The following RTTN variants were observed in gnomAD, a reference collection of about 807,000 sequenced individuals.
RTTN encodes the protein rotatin.
Under a neutral mutation model 269.2 loss-of-function variants are expected in RTTN, and 182 were observed. The ratio of observed to expected loss-of-function variants is 0.68; its 90% CI spans 0.60 to 0.76. The LOEUF is 0.76. RTTN is among the 30% of genes least tolerant of loss of function. The pLI is 0.00. For synonymous variants in RTTN, 1,006 were observed against 963.5 expected, an observed-to-expected ratio of 1.04 and a Z score of -0.82; for missense variants, 2,545 against 2,608.6, an observed-to-expected ratio of 0.98 and a Z score of 0.53.
At chr18:70,058,592 AG>A (rs2057886653) in intron 36 of RTTN, among the ~76,000 whole-genome samples, 1 of 152,228 alleles carries the variant, frequency 6.6e-6, no homozygotes, top group Admixed American at 6.5e-5. Flanking sequence ...AATGAAAAAC[AG>A]GTACGGAAAT....
chr18:70,143,945 G>C (rs1003480227), intron 18 of RTTN, among the ~76,000 whole-genome samples: 1 of 151,358 alleles, frequency 6.6e-6, no homozygotes, highest in South Asian at 2.1e-4. Flanking sequence ...CTGCAGACTC[G>C]ACTTCCTGGG....
At chr18:70,180,640 T>C (rs531127073) in intron 10 of RTTN, among the ~76,000 whole-genome samples, 4 of 147,566 alleles carry the variant, frequency 2.7e-5, no homozygotes, top group Admixed American at 6.7e-5. Context: ...TCATAGTTCA[T>C]AGTGTTTTCA....
chr18:70,084,782 CAACTTAGCAAGGCCA>C (rs1382319948), intron 32 of RTTN, among the ~76,000 whole-genome samples: 1 of 151,980 alleles, frequency 6.6e-6, no homozygotes, highest in African/African-American at 2.4e-5. Context: ...TTATTTTGGC[CAACTTAGCAAGGCCA>C]AAACTCCAAA....
At chr18:70,027,801 A>T (rs1308219638) in intron 43 of RTTN, among the ~76,000 whole-genome samples, 3 of 152,216 alleles carry the variant, frequency 2.0e-5, no homozygotes, top group Non-Finnish European at 2.9e-5. Flanking sequence ...CTTAATTTCC[A>T]TCAAACTACT....
chr18:70,125,307 C>T (rs1036900631), intron 25 of RTTN, among the ~76,000 whole-genome samples: 1 of 151,898 alleles, frequency 6.6e-6, no homozygotes, highest in East Asian at 1.9e-4. Context: ...TTGCTAATAT[C>T]ATTTTTTAGT....
At chr18:70,201,464 T>C (rs368255094) in intron 4 of RTTN, among the ~76,000 whole-genome samples, 2,958 of 150,974 alleles carry the variant, frequency 0.02, 90 homozygotes, top group African/African-American at 0.064. Flanking sequence ...AAAAATTAGC[T>C]GGGCGTAGTG....
intron 44 of RTTN, 29 bp from the exon 45 acceptor site, chr18:70,020,846 C>G (rs1444199133): frequency 1.1e-5 from 17 of 1,572,980 alleles, no homozygotes; most frequent in Non-Finnish European, 1.5e-5. Context: ...ATCACAATGT[C>G]TTCTCAGTTT....
rs2060208470 is a variant in RTTN, at chr18:70,139,664, C to T, written c.2723G>A (p.Cys908Tyr). The T allele has an allele frequency of 1.9e-6, 3 of 1,613,418 alleles. No individual in the cohort carries two copies. The highest frequency in any genetic ancestry group is 2.5e-6 in the Non-Finnish European group (3 of 1,179,628). ...PCLTLLRKVLCGDPVMRVSLS... is the reference protein window; with the variant it reads ...PCLTLLRKVLYGDPVMRVSLS... ...CGAAACACGCATGACTGGATCACCA[C>T]ATAAAACCTTCCTCAAGAGTGTGAG... Residue 908 changes from cysteine (C) to tyrosine (Y), a missense_variant, in exon 21 of 49, where the codon TGT becomes TAT. Physicochemically the swap from Cys to Tyr is radical, Grantham distance 194 (BLOSUM62 -2). Coordinates refer to ENST00000640769, the MANE Select transcript of RTTN (RefSeq NM_173630.4).
At chr18:70,189,109 A>C (rs570829191) in intron 9 of RTTN, among the ~76,000 whole-genome samples, 1 of 152,374 alleles carries the variant, frequency 6.6e-6, no homozygotes, top group African/African-American at 2.4e-5. Context: ...AATTAAGGAA[A>C]GGTTAAATGC....
intron 32 of RTTN, among the ~76,000 whole-genome samples, chr18:70,084,473 C>T (rs911833555): frequency 2.0e-5 from 3 of 152,020 alleles, no homozygotes; most frequent in African/African-American, 7.2e-5. Context: ...CTAGCTGCAC[C>T]CAGAGACAAC....
rs2059411057 is a variant in RTTN, at chr18:70,109,657, A to T, written c.3744T>A (p.Cys1248Ter). Reference protein sequence around the residue: ...QTQLALKLLQCLKVTDAPHFY... With the variant: ...QTQLALKLLQ ...AATGAGGCGCATCCGTCACTTTCAGACACTGGAGCAGTTTCAGAGCCAGCT... is the reference window on the plus strand; with the variant it reads ...AATGAGGCGCATCCGTCACTTTCAGTCACTGGAGCAGTTTCAGAGCCAGCT... The change falls in exon 28 of 49, where the codon TGT becomes TGA. Residue 1248 changes from cysteine to a stop codon, truncating the protein, a stop_gained. Coordinates refer to ENST00000640769, the MANE Select transcript of RTTN (RefSeq NM_173630.4). LOFTEE classifies it high-confidence loss of function. 1 of 1,614,228 alleles carries T rather than the reference A, an allele frequency of 6.2e-7. No homozygotes were observed. The highest frequency in any genetic ancestry group is 8.5e-7 in the Non-Finnish European group (1 of 1,180,040).
At chr18:70,085,595 T>C (rs1706570574) in intron 32 of RTTN, among the ~76,000 whole-genome samples, 2 of 152,324 alleles carry the variant, frequency 1.3e-5, no homozygotes, top group South Asian at 4.1e-4. Context: ...AATATATGGA[T>C]AGGTAAAAGG....
At chr18:70,195,787 G>A (rs562687312) in intron 7 of RTTN, among the ~76,000 whole-genome samples, 24 of 152,294 alleles carry the variant, frequency 1.6e-4, no homozygotes, top group Non-Finnish European at 3.1e-4. Flanking sequence ...GTACCCAGAC[G>A]TTCTCTATTA....
intron 14 of RTTN, among the ~76,000 whole-genome samples, chr18:70,151,774 T>C (rs554296050): frequency 6.6e-6 from 1 of 152,292 alleles, no homozygotes; most frequent in East Asian, 1.9e-4. Context: ...AATTGTCTTA[T>C]TTTTCTCCAG....
intron 30 of RTTN, among the ~76,000 whole-genome samples, chr18:70,088,497 TCTAC>T (rs2058759472): frequency 6.6e-6 from 1 of 152,236 alleles, no homozygotes; most frequent in African/African-American, 2.4e-5. Context: ...TATTCTTTGT[TCTAC>T]CTTTCTTAAT....
At position 70,126,997 on chromosome 18, in the gene RTTN, G is replaced by A. The variant is rs115443949; in HGVS notation, c.3383+505C>T. Among the ~76,000 whole-genome samples the A allele has an allele frequency of 5.0e-3, 763 of 152,314 alleles. 5 individuals carry two copies. Among genetic ancestry groups the A allele is most frequent in the African/African-American group, 0.017 (723 of 41,576 alleles). ...TTGCAAATGCAACCATCTGCTACAA[G>A]TTAAGCATGTTAAATTGACAAGCTA... is the stretch of plus-strand genomic sequence containing the variant. On this transcript the variant is annotated intron_variant, in intron 25 of 48. Transcript: ENST00000640769.
chr18:70,177,934 T>C (rs2061340668), intron 10 of RTTN, among the ~76,000 whole-genome samples: 1 of 152,110 alleles, frequency 6.6e-6, no homozygotes, highest in African/African-American at 2.4e-5. Context: ...CTTCTGGGAA[T>C]ATACCCAAAA....
At position 70,127,647 on chromosome 18, in the gene RTTN, C is replaced by T. The variant is rs201548591; in HGVS notation, c.3238G>A (p.Val1080Ile). Reference sequence around the variant, plus strand: ...ACTTCCCTGTGGGTTGCAGCCTGAACAATGGAATGGAGGCAGTCCTGCAGC... The same window carrying T: ...ACTTCCCTGTGGGTTGCAGCCTGAATAATGGAATGGAGGCAGTCCTGCAGC... ...SGLQDCLHSI[V>I]QAATHREVRA... The change falls in exon 25 of 49, where the codon GTT becomes ATT. Residue 1080 changes from valine (V) to isoleucine (I), a missense_variant. By Grantham distance (29) the Val-to-Ile change is conservative. Coordinates refer to ENST00000640769, the MANE Select transcript of RTTN (RefSeq NM_173630.4). 1.4e-4 allele frequency: 218 copies of T among 1,613,358 alleles called. No individual in the cohort carries two copies. Among genetic ancestry groups the T allele is most frequent in the African/African-American group, 4.3e-4 (32 of 74,834 alleles).
At chr18:70,151,871 A>G (rs1275014221) in intron 14 of RTTN, among the ~76,000 whole-genome samples, 2 of 152,166 alleles carry the variant, frequency 1.3e-5, no homozygotes, top group African/African-American at 4.8e-5. Context: ...CCTCTTGATA[A>G]CAATTCATTT....
Sources: gnomAD v4.1 joint callset for allele counts (sites outside exome capture counted in the v4.1 genomes callset) on GRCh38, gnomAD v4.1.1 for gene constraint, MANE v1.5 for transcripts, NCBI Gene and HGNC (gene_info 2026-07-23, HGNC 2026-07-21) for gene names.